DPAGT1: variants seen among roughly 807,000 people sequenced by gnomAD.
The protein encoded by DPAGT1 is dolichyl-phosphate N-acetylglucosaminephosphotransferase 1.
DPAGT1 carries 25 observed loss-of-function variants against 39.3 expected under a neutral mutation model. That is an observed-to-expected ratio of 0.64 (90% confidence interval 0.46 to 0.89). The LOEUF (loss-of-function observed/expected upper bound fraction) is 0.89. DPAGT1 is among the 40% of genes least tolerant of loss of function. The pLI is 0.00. For synonymous variants in DPAGT1, 193 were observed against 201.4 expected (o/e 0.96, Z 0.36); for missense variants, 381 against 500.6 (o/e 0.76, Z 2.28).
chr11:119,098,117 G>A, intron 5 of DPAGT1, 74 bp from the exon 6 acceptor site: 1 of 1,589,694 alleles, frequency 6.3e-7, no homozygotes, highest in Non-Finnish European at 8.6e-7. Flanking sequence ...ACACCCTATG[G>A]GCACTGGACT....
chr11:119,096,993 G>A lies in DPAGT1; in HGVS notation c.*5C>T, dbSNP rs1351737118. 1.2e-6 allele frequency: 2 copies of A among 1,614,120 alleles called. No homozygotes were observed. The highest frequency in any genetic ancestry group is 2.2e-5 in the South Asian group (2 of 91,074). On this transcript the variant is annotated 3_prime_UTR_variant, in exon 9 of 9. Transcript: ENST00000354202. ...CTGTGAGGTAAAGGACAATGATCAA[G>A]GGACTCAGACATCATAGAAGAGTCG...
At chr11:119,099,470 T>A (rs1946455902) in intron 4 of DPAGT1, among the ~76,000 whole-genome samples, 3 of 150,488 alleles carry the variant, frequency 2.0e-5, no homozygotes, top group Admixed American at 6.6e-5. Context: ...AGTAATTCTA[T>A]GATCAAGCAT....
At chr11:119,098,583 C>T in intron 4 of DPAGT1, 96 bp from the exon 5 acceptor site, 3 of 1,223,922 alleles carry the variant, frequency 2.5e-6, no homozygotes, top group Non-Finnish European at 3.6e-6. Flanking sequence ...CAGCTGTTAT[C>T]ATCCACCTCA....
Position 119,096,755 on chromosome 11 carries a change from G to C in DPAGT1, c.*243C>G, listed in dbSNP as rs1394982122. ...CCCTATGAGGCTGCAAAGATGGGATGGAGAGGGAGAGAGTAGCAAGTTGCA... is the reference window on the plus strand; with the variant it reads ...CCCTATGAGGCTGCAAAGATGGGATCGAGAGGGAGAGAGTAGCAAGTTGCA... On this transcript the variant is annotated 3_prime_UTR_variant, in exon 9 of 9. Coordinates refer to ENST00000354202, the MANE Select transcript of DPAGT1 (RefSeq NM_001382.4). 1 of 583,946 alleles carries C rather than the reference G, an allele frequency of 1.7e-6. No homozygotes were observed. The highest frequency in any genetic ancestry group is 3.0e-6 in the Non-Finnish European group (1 of 328,808). 36.2% of individuals were successfully genotyped at this position (583,946 alleles called of 1,614,324 possible). A position where few individuals can be genotyped will look rare whatever the true frequency, so the allele number is the denominator to read the frequency against.
At chr11:119,094,883 C>A, downstream of DPAGT1, 1 of 1,384,784 alleles carries the variant, frequency 7.2e-7, no homozygotes, top group South Asian at 1.4e-5. Flanking sequence ...CAGCTCTTTC[C>A]ATGAGGGCGG....
At chr11:119,099,769 A>T in intron 4 of DPAGT1, among the ~76,000 whole-genome samples, 1 of 136,440 alleles carries the variant, frequency 7.3e-6, no homozygotes, top group African/African-American at 2.8e-5. Context: ...TGACAGAGGG[A>T]GACCCTGTCT....
At chr11:119,101,203 G>T in intron 1 of DPAGT1, 65 bp from the exon 2 acceptor site, 2 of 1,608,382 alleles carry the variant, frequency 1.2e-6, no homozygotes, top group Non-Finnish European at 1.7e-6. Flanking sequence ...CACTAGTGCA[G>T]GTGTTACAGT....
intron 4 of DPAGT1, among the ~76,000 whole-genome samples, chr11:119,099,391 T>G (rs927083129): frequency 2.3e-5 from 3 of 129,426 alleles, no homozygotes; most frequent in African/African-American, 9.2e-5. Flanking sequence ...ACCATTGTAC[T>G]CCAGCCTGGG....
intron 4 of DPAGT1, 91 bp from the exon 5 acceptor site, chr11:119,098,578 G>T: frequency 7.7e-7 from 1 of 1,298,212 alleles, no homozygotes; most frequent in Non-Finnish European, 1.1e-6. Context: ...GTTTACAGCT[G>T]TTATCATCCA....
rs758972600 is a variant in DPAGT1, at chr11:119,101,624, A to C, written c.32T>G (p.Leu11Arg). 1 of 1,614,276 alleles carries C rather than the reference A, an allele frequency of 6.2e-7. No individual in the cohort carries two copies. The highest frequency in any genetic ancestry group is 1.1e-5 in the South Asian group (1 of 91,088). The change falls in exon 1 of 9, where the codon CTG (leucine) becomes CGG (arginine). Residue 11 changes from leucine (L) to arginine (R), a missense_variant. Transcript: ENST00000354202. The stretch of plus-strand genomic sequence containing the variant: ...CAGCGAGACGATCAAATTGATCAGC[A>C]GCGGCATGGGCAATTCCGAGAAGGC... MWAFSELPMP[L>R]LINLIVSLLG...
chr11:119,097,980 C>T lies in DPAGT1; in HGVS notation c.792G>A (p.Val264=). 6.2e-7 allele frequency: 1 copy of T among 1,614,196 alleles called. No homozygotes were observed. The highest frequency in any genetic ancestry group is 1.3e-5 in the African/African-American group (1 of 75,052). The change falls in exon 6 of 9, where the codon GTG becomes GTA. Residue 264 remains valine, a synonymous_variant. Coordinates refer to ENST00000354202, the MANE Select transcript of DPAGT1 (RefSeq NM_001382.4). The surrounding 1 kb of genome is among the most constrained non-coding windows in gnomAD (Gnocchi z 4.6). ...FCYFAGMTFA[V]VGILGHFSKT... is the part of the protein sequence containing the mutation. ...TGCTGAAGTGTCCCAAGATGCCCAC[C>T]ACGGCAAAGGTCATGCCAGCAAAGT...
intron 4 of DPAGT1, among the ~76,000 whole-genome samples, chr11:119,099,897 C>T (rs1275135997): frequency 6.6e-6 from 1 of 151,502 alleles, no homozygotes; most frequent in Admixed American, 6.6e-5. Flanking sequence ...GTGGGTTGCT[C>T]AGTGTTCTTG....
chr11:119,099,786 A>C (rs1219479718), intron 4 of DPAGT1, among the ~76,000 whole-genome samples: 1 of 76,864 alleles, frequency 1.3e-5, no homozygotes, highest in Non-Finnish European at 3.7e-5. Flanking sequence ...GTCTCAAAAA[A>C]AAAAAAAAAA....
intron 1 of DPAGT1, 145 bp from the exon 2 acceptor site, chr11:119,101,283 G>T: frequency 7.3e-7 from 1 of 1,366,652 alleles, no homozygotes. Flanking sequence ...AGGGAGGAAA[G>T]CACCACTGCC....
downstream of DPAGT1, among the ~76,000 whole-genome samples, chr11:119,095,693 T>C (rs1747595975): frequency 6.6e-6 from 1 of 152,148 alleles, no homozygotes; most frequent in South Asian, 2.1e-4. Context: ...AACTATCCGC[T>C]GATGTAGCCA....
chr11:119,095,447 C>T, downstream of DPAGT1: 1 of 1,462,196 alleles, frequency 6.8e-7, no homozygotes, highest in Non-Finnish European at 9.0e-7. Flanking sequence ...GAACAGACGC[C>T]CGCCGCAGTG....
chr11:119,101,843 AC>A lies in DPAGT1; in HGVS notation c.-189del. 6.8e-7 allele frequency: 1 copy of A among 1,462,978 alleles called. No individual in the cohort carries two copies. The allele number at this position is 1,462,978 out of a possible 1,614,324, so 90.6% of individuals were successfully genotyped here. On this transcript the variant is annotated 5_prime_UTR_variant, in exon 1 of 9. Coordinates refer to ENST00000354202, the MANE Select transcript of DPAGT1 (RefSeq NM_001382.4). The stretch of plus-strand genomic sequence containing the variant: ...GACACCGGGGAACCTCTCTAAGGCA[AC>A]CTATGTTCTGCCCCGCTGCACCCGC...
At chr11:119,099,050 T>A (rs1400822697) in intron 4 of DPAGT1, among the ~76,000 whole-genome samples, 1 of 152,104 alleles carries the variant, frequency 6.6e-6, no homozygotes, top group Non-Finnish European at 1.5e-5. Context: ...AGGAGGGGCT[T>A]GTAGTAGCGT....
chr11:119,094,960 C>T (rs1387830658), downstream of DPAGT1: 2 of 1,607,218 alleles, frequency 1.2e-6, no homozygotes, highest in Non-Finnish European at 1.7e-6. Context: ...GGCGCGGGCC[C>T]TCTTAGTACT....
Sources: allele counts gnomAD v4.1 joint callset (sites outside exome capture counted in the v4.1 genomes callset), GRCh38; gene constraint gnomAD v4.1.1; non-coding constraint Gnocchi (gnomAD v3.1); transcripts MANE v1.5; gene names NCBI Gene and HGNC (gene_info 2026-07-23, HGNC 2026-07-21).